Variants in MDN1 observed in about 807,000 individuals in gnomAD.
The protein encoded by MDN1 is midasin.
A neutral mutation model predicts 669.2 loss-of-function variants in MDN1; 266 were observed. That is an observed-to-expected ratio of 0.40 (90% CI 0.36 to 0.44). The LOEUF is 0.44. Among genes scored for constraint, MDN1 ranks in the 20% least tolerant of loss-of-function variants. The probability of loss-of-function intolerance (pLI) is 1.00; values close to 1 mark genes in which losing one functional copy is unlikely to be tolerated. For synonymous variants in MDN1, 2,385 were observed against 2,457.1 expected (o/e 0.97, Z 0.87); for missense variants, 5,940 against 6,754.0 (o/e 0.88, Z 4.22).
At chr6:89,720,574 G>C (rs1308371687) in intron 40 of MDN1, among the ~76,000 whole-genome samples, 2 of 152,062 alleles carry the variant, frequency 1.3e-5, no homozygotes, top group South Asian at 2.1e-4. Context: ...CAATAACCTT[G>C]AATTGGAAGA....
intron 82 of MDN1, 57 bp downstream of exon 82, chr6:89,672,143 C>T: frequency 6.8e-7 from 1 of 1,480,420 alleles, no homozygotes; most frequent in Non-Finnish European, 8.9e-7. Context: ...AAAGCCCACT[C>T]TGCCTTTGCT....
intron 38 of MDN1, 67 bp downstream of exon 38, chr6:89,725,132 G>A: frequency 7.1e-7 from 1 of 1,411,898 alleles, no homozygotes; most frequent in South Asian, 1.2e-5. Flanking sequence ...ATCCTTAAAG[G>A]CTTCATAATA....
Position 89,707,411 on chromosome 6 carries a change from C to T in MDN1, c.7964G>A (p.Ser2655Asn), listed in dbSNP as rs751923968. 6.2e-7 allele frequency: 1 copy of T among 1,613,966 alleles called. No homozygotes were observed. Among genetic ancestry groups the T allele is most frequent in the Non-Finnish European group, 8.5e-7 (1 of 1,179,880 alleles). ...CAAAACACTCTCTCTTAGCTTTTTG[C>T]TACCAACAGAAACCAAATTTGCTTC... The part of the protein sequence containing the change: ...FTEANLVSVG[S>N]KKLRESVLRM... The change falls in exon 52 of 102, where the codon AGC (serine) becomes AAC (asparagine). Residue 2655 changes from serine (S) to asparagine (N), a missense_variant. Transcript: ENST00000369393.
At chr6:89,678,448 G>A in intron 75 of MDN1, 151 bp downstream of exon 75, 1 of 739,934 alleles carries the variant, frequency 1.4e-6, no homozygotes, top group Non-Finnish European at 2.1e-6. Flanking sequence ...CTGCATGTGA[G>A]TGGAACTCTT....
intron 65 of MDN1, 52 bp downstream of exon 65, chr6:89,689,818 A>G: frequency 1.3e-6 from 2 of 1,572,328 alleles, no homozygotes; most frequent in Non-Finnish European, 1.7e-6. Flanking sequence ...AACAGCATCT[A>G]TTTGCATTTG....
chr6:89,687,429 C>T lies in MDN1; in HGVS notation c.11365G>A (p.Glu3789Lys). 1.9e-6 allele frequency: 3 copies of T among 1,613,594 alleles called. No homozygotes were observed. Among genetic ancestry groups the T allele is most frequent in the Non-Finnish European group, 2.5e-6 (3 of 1,179,732 alleles). Residue 3789 changes from glutamate to lysine, a missense_variant, in exon 68 of 102, where the codon GAA becomes AAA. Glu to Lys is a moderately conservative substitution (Grantham distance 56). Around this residue, in one of 5 missense-constraint regions of MDN1, gnomAD observed 2,280 missense variants for 2,576.3 expected, o/e 0.88. Transcript: ENST00000369393. ...AAAGACAAAGCTCGACTTGCATTTT[C>T]CTCCCAATCCTAAAGAAACAAAGAT... ...ILLAKAQDWE[E>K]NASRALSLRK...
At chr6:89,801,548 G>T (rs924305437) in intron 2 of MDN1, among the ~76,000 whole-genome samples, 1 of 152,144 alleles carries the variant, frequency 6.6e-6, no homozygotes, top group African/African-American at 2.4e-5. Flanking sequence ...CTACTTGGGG[G>T]GCTGAGGTGG....
intron 76 of MDN1, among the ~76,000 whole-genome samples, chr6:89,677,162 G>A (rs1032811223): frequency 2.2e-4 from 34 of 151,928 alleles, no homozygotes; most frequent in African/African-American, 8.0e-4. Flanking sequence ...TGTAATCTCA[G>A]CTCACTGCAA....
At chr6:89,777,913 G>A (rs908047597) in intron 11 of MDN1, among the ~76,000 whole-genome samples, 27 of 152,102 alleles carry the variant, frequency 1.8e-4, no homozygotes, top group African/African-American at 6.0e-4. Context: ...ATTGATTTGA[G>A]TAACAATTCC....
Position 89,758,200 on chromosome 6 carries a change from A to G in MDN1, c.2702+55T>C, listed in dbSNP as rs958801646. Reference sequence around the variant, plus strand: ...CACGCCACTGCACTCCAACCTGGGCAACAGAGCAAGAACCTGTTGCAAAAA... The same window carrying G: ...CACGCCACTGCACTCCAACCTGGGCGACAGAGCAAGAACCTGTTGCAAAAA... On this transcript the variant is annotated intron_variant, in intron 19 of 101. Transcript: ENST00000369393. 10 of 1,438,008 alleles carry G rather than the reference A, an allele frequency of 7.0e-6. No homozygotes were observed. In the African/African-American group the frequency reaches 1.4e-4, roughly 20 times the overall value. The allele number at this position is 1,438,008 out of a possible 1,614,324, so 89.1% of individuals were successfully genotyped here. A position where few individuals can be genotyped will look rare whatever the true frequency, so the allele number is the denominator to read the frequency against.
chr6:89,700,635 G>T lies in MDN1; in HGVS notation c.8638+11C>A. On this transcript the variant is annotated intron_variant, in intron 56 of 101. Coordinates refer to ENST00000369393, the MANE Select transcript of MDN1 (RefSeq NM_014611.3). ...GCATCTGTCAGCTAGCCAAGTGCTA[G>T]AATATTTTACCTAGGCTGACATCTT... 3 of 1,612,234 alleles carry T rather than the reference G, an allele frequency of 1.9e-6. No individual in the cohort carries two copies. The highest frequency in any genetic ancestry group is 2.5e-6 in the Non-Finnish European group (3 of 1,178,322).
chr6:89,732,138 CA>C (rs937204096), intron 34 of MDN1, among the ~76,000 whole-genome samples: 2 of 151,404 alleles, frequency 1.3e-5, no homozygotes, highest in African/African-American at 4.9e-5. Context: ...GGCAACTGGC[CA>C]AAAAAACACC....
intron 9 of MDN1, among the ~76,000 whole-genome samples, chr6:89,782,147 C>T (rs888141927): frequency 6.6e-6 from 1 of 152,168 alleles, no homozygotes; most frequent in African/African-American, 2.4e-5. Context: ...ATCTACAATA[C>T]AGTTTCAGCG....
At position 89,725,439 on chromosome 6, in the gene MDN1, T is replaced by C. The variant is rs368265512; in HGVS notation, c.5473-43A>G. On this transcript the variant is annotated intron_variant, in intron 37 of 101. Transcript: ENST00000369393. ...TACATAATTTGTCTCAAATATATTA[T>C]ACAACTGCAACAAAAAGCAGGGGAA... The C allele has an allele frequency of 7.4e-5, 110 of 1,493,162 alleles. No homozygotes were observed. The South Asian group carries it at 1.0e-3, about 14-fold the overall frequency. The allele number at this position is 1,493,162 out of a possible 1,614,324, so 92.5% of individuals were successfully genotyped here.
chr6:89,749,586 A>G lies in MDN1; in HGVS notation c.3572T>C (p.Leu1191Pro). The change falls in exon 25 of 102, where the codon CTT becomes CCT. Residue 1191 changes from leucine (L) to proline (P), a missense_variant. This residue lies in a region of MDN1 where 2,292 missense variants were observed against 2,638.3 expected (regional missense o/e 0.87). Transcript: ENST00000369393. The stretch of plus-strand genomic sequence containing the variant: ...TCCTGGGGGATTTTGGGTGGCAAAA[A>G]GCATAAACCGAGGGTGTGCTTTAAC... ...EVVKAHPRFM[L>P]FATQNPPGLY... 6.2e-7 allele frequency: 1 copy of G among 1,614,194 alleles called. No homozygotes were observed. The highest frequency in any genetic ancestry group is 8.5e-7 in the Non-Finnish European group (1 of 1,180,036).
chr6:89,745,147 A>AG lies in MDN1; in HGVS notation c.4178+125_4178+126insC, dbSNP rs1816534781. On this transcript the variant is annotated intron_variant, in intron 29 of 101. Transcript: ENST00000369393. ...TTAGTCTCTTCTTAAAAAAAAAAAA[A>AG]AAAAAGAAAAAAGAGGAAGGAGGAA... 7.2e-5 allele frequency: 72 copies of AG among 1,002,650 alleles called. 1 individual carries two copies. The African/African-American group carries it at 7.5e-4, about 11-fold the overall frequency. 62.1% of individuals were successfully genotyped at this position (1,002,650 alleles called of 1,614,324 possible). A position where few individuals can be genotyped will look rare whatever the true frequency, so the allele number is the denominator to read the frequency against.
chr6:89,769,367 GTAC>G (rs1817971332), intron 15 of MDN1, among the ~76,000 whole-genome samples: 1 of 152,086 alleles, frequency 6.6e-6, no homozygotes, highest in Non-Finnish European at 1.5e-5. Flanking sequence ...TAATATAAGA[GTAC>G]AGAAAACAAG....
chr6:89,663,094 C>T, intron 85 of MDN1, 127 bp from the exon 86 acceptor site: 1 of 1,017,652 alleles, frequency 9.8e-7, no homozygotes, highest in Non-Finnish European at 1.5e-6. Flanking sequence ...TTCTACAGAA[C>T]ACACCCTACG....
At chr6:89,783,029 A>G (rs1287945749) in intron 9 of MDN1, among the ~76,000 whole-genome samples, 1 of 152,234 alleles carries the variant, frequency 6.6e-6, no homozygotes, top group Admixed American at 6.5e-5. Context: ...CAAATTGATC[A>G]TAAAACATGT....
Sources: gnomAD v4.1 joint callset for allele counts (sites outside exome capture counted in the v4.1 genomes callset) on GRCh38, gnomAD v4.1.1 for gene constraint, gnomAD v4.1.1 regional missense constraint, MANE v1.5 for transcripts, NCBI Gene and HGNC (gene_info 2026-07-23, HGNC 2026-07-21) for gene names.